The following GALNTL5 variants were observed in gnomAD, a reference collection of about 807,000 sequenced individuals.
GALNTL5 encodes the protein inactive polypeptide N-acetylgalactosaminyltransferase-like protein 5.
In GALNTL5, 44 loss-of-function variants were observed where a neutral mutation model predicts 51.0. The ratio of observed to expected loss-of-function variants is 0.86; its 90% CI spans 0.68 to 1.11. The LOEUF is 1.11. Among genes scored for constraint, GALNTL5 ranks in the 50% least tolerant of loss-of-function variants. The probability of loss-of-function intolerance (pLI) is 0.00; values close to 1 mark genes in which losing one functional copy is unlikely to be tolerated. For synonymous variants in GALNTL5, 192 were observed against 182.8 expected, an observed-to-expected ratio of 1.05 and a Z score of -0.41; for missense variants, 528 against 531.8, an observed-to-expected ratio of 0.99 and a Z score of 0.07.
chr7:151,989,416 G>C (rs2081400330), intron 5 of GALNTL5, among the ~76,000 whole-genome samples: 1 of 152,176 alleles, frequency 6.6e-6, no homozygotes, highest in South Asian at 2.1e-4. Context: ...GCCTCCCAAA[G>C]TGTTGAGATT....
intron 2 of GALNTL5, among the ~76,000 whole-genome samples, 182 bp downstream of exon 2, chr7:151,967,675 C>T (rs1159526130): frequency 6.6e-6 from 1 of 151,830 alleles, no homozygotes; most frequent in African/African-American, 2.4e-5. Context: ...ATGTATTTAC[C>T]ACTTAAATTT....
At chr7:151,989,634 T>G (rs1202656038) in intron 5 of GALNTL5, among the ~76,000 whole-genome samples, 1 of 152,238 alleles carries the variant, frequency 6.6e-6, no homozygotes, top group Non-Finnish European at 1.5e-5. Flanking sequence ...AAGGGAATTT[T>G]TATTTTAAAT....
intron 5 of GALNTL5, among the ~76,000 whole-genome samples, chr7:151,988,402 G>C (rs1298266400): frequency 6.6e-6 from 1 of 152,190 alleles, no homozygotes; most frequent in Non-Finnish European, 1.5e-5. Context: ...CGAATCATTT[G>C]TAAGGGCATT....
intron 5 of GALNTL5, among the ~76,000 whole-genome samples, chr7:151,987,618 G>T (rs1177507608): frequency 2.0e-5 from 3 of 151,020 alleles, no homozygotes; most frequent in Admixed American, 6.6e-5. Context: ...CAAGACTGGG[G>T]GTGGGGTGGG....
At chr7:151,994,892 G>A (rs560302203) in intron 5 of GALNTL5, 2 of 151,944 alleles carry the variant, frequency 1.3e-5, no homozygotes, top group African/African-American at 4.9e-5. Context: ...GAGCAGCTGG[G>A]ACTACAGGTG....
intron 1 of GALNTL5, among the ~76,000 whole-genome samples, chr7:151,966,834 T>C: frequency 6.6e-6 from 1 of 152,206 alleles, no homozygotes; most frequent in East Asian, 1.9e-4. Context: ...TGTTTTTACA[T>C]TTTTAACAAG....
Position 152,014,832 on chromosome 7 carries a change from G to C in GALNTL5, c.1176+39G>C, listed in dbSNP as rs184697880. 5.1e-6 allele frequency: 8 copies of C among 1,566,800 alleles called. No homozygotes were observed. In the East Asian group the frequency reaches 1.4e-4, roughly 27 times the overall value. ...CCTTGACTTGGAAAATGTATGCGAGGCCGGAGCAGGACTTGTTCTGAGGAA... is the reference window on the plus strand; with the variant it reads ...CCTTGACTTGGAAAATGTATGCGAGCCCGGAGCAGGACTTGTTCTGAGGAA... On this transcript the variant is annotated intron_variant, in intron 8 of 8. Transcript: ENST00000392800.
chr7:152,019,738 G>C lies in GALNTL5; in HGVS notation c.1269G>C (p.Lys423Asn). 1 of 1,614,048 alleles carries C rather than the reference G, an allele frequency of 6.2e-7. No individual in the cohort carries two copies. The highest frequency in any genetic ancestry group is 8.5e-7 in the Non-Finnish European group (1 of 1,179,914). ...AGTTAAGGAAACGACTGGGTTGCAA[G>C]TCATTTCAGTGGTATTTGGATAATG... ...RVELRKRLGC[K>N]SFQWYLDNVF... The change falls in exon 9 of 9, where the codon AAG (lysine) becomes AAC (asparagine). Residue 423 changes from lysine (K) to asparagine (N), a missense_variant. By Grantham distance (94) the Lys-to-Asn change is moderately conservative. Coordinates refer to ENST00000392800, the MANE Select transcript of GALNTL5 (RefSeq NM_145292.4).
intron 8 of GALNTL5, among the ~76,000 whole-genome samples, chr7:152,017,996 C>T (rs2081841195): frequency 1.3e-5 from 2 of 152,134 alleles, no homozygotes; most frequent in East Asian, 3.8e-4. Flanking sequence ...AGGTGCATGC[C>T]ACCACACCCA....
At chr7:151,969,181 G>C (rs1004203598) in intron 2 of GALNTL5, among the ~76,000 whole-genome samples, 9 of 152,052 alleles carry the variant, frequency 5.9e-5, no homozygotes, top group African/African-American at 1.9e-4. Context: ...TTTTGGTGCT[G>C]TTCAATTCAT....
chr7:152,000,864 T>C (rs1398368879), intron 5 of GALNTL5, among the ~76,000 whole-genome samples: 2 of 152,038 alleles, frequency 1.3e-5, no homozygotes, highest in Non-Finnish European at 2.9e-5. Flanking sequence ...TTGTGGATTT[T>C]TTTCTCTTTC....
In GALNTL5 at chr7:151,983,131, G is replaced by A. The variant is rs1426170116; in HGVS notation, c.514G>A (p.Val172Ile). The part of the protein sequence containing the change: ...PHYFLEEIIL[V>I]DDMSKVDDLK... ...CTATTTTCTTGAAGAAATTATTTTG[G>A]TAGATGACATGAGCAAAGTTGGTAA... Residue 172 changes from valine (V) to isoleucine (I), a missense_variant, in exon 4 of 9, where the codon GTA becomes ATA. By Grantham distance (29) the Val-to-Ile change is conservative (BLOSUM62 3). Coordinates refer to ENST00000392800, the MANE Select transcript of GALNTL5 (RefSeq NM_145292.4). The A allele has an allele frequency of 6.2e-7, 1 of 1,613,998 alleles. No homozygotes were observed. Among genetic ancestry groups the A allele is most frequent in the Admixed American group, 1.7e-5 (1 of 60,004 alleles).
rs2081783615 is a variant in GALNTL5, at chr7:152,014,711, A to G, written c.1094A>G (p.Gln365Arg). ...CGAGTAGGACATATCAGTAAGAAAC[A>G]AACTGGAAAACCTTCTACAATCATC... is the stretch of plus-strand genomic sequence containing the variant. ...CSRVGHISKK[Q>R]TGKPSTIISA... Residue 365 changes from glutamine (Q) to arginine (R), a missense_variant, in exon 8 of 9, where the codon CAA (glutamine) becomes CGA (arginine). Gln to Arg is a conservative substitution (Grantham distance 43). Transcript: ENST00000392800. The G allele has an allele frequency of 6.2e-7, 1 of 1,614,110 alleles. No individual in the cohort carries two copies. The highest frequency in any genetic ancestry group is 8.5e-7 in the Non-Finnish European group (1 of 1,179,972).
chr7:151,978,747 A>T (rs1586818807), intron 3 of GALNTL5, among the ~76,000 whole-genome samples: 2 of 152,318 alleles, frequency 1.3e-5, no homozygotes, highest in Admixed American at 1.3e-4. Context: ...TCCTTGGCTT[A>T]TAGATGGCCG....
Position 151,999,610 on chromosome 7 carries a change from T to C in GALNTL5, c.659-3104T>C, listed in dbSNP as rs993792020. Among the ~76,000 whole-genome samples, 9 of 152,358 alleles carry C rather than the reference T, an allele frequency of 5.9e-5. No homozygotes were observed. The East Asian group carries it at 1.5e-3, about 26-fold the overall frequency. ...TTGTGTTTTCCTAATGACATGATGT[T>C]TCGCATCTGTTTGTGTGCTTGCTAG... On this transcript the variant is annotated intron_variant, in intron 5 of 8. Coordinates refer to ENST00000392800, the MANE Select transcript of GALNTL5 (RefSeq NM_145292.4).
chr7:152,018,354 T>C lies in GALNTL5; in HGVS notation c.1177-1292T>C, dbSNP rs181478067. ...CCTGTCTCCTCATATTGGTTATAGC[T>C]GAACTGTTTGTTTGTTTGTTTTAAT... On this transcript the variant is annotated intron_variant, in intron 8 of 8. Transcript: ENST00000392800. Among the ~76,000 whole-genome samples, 106 of 152,348 alleles carry C rather than the reference T, an allele frequency of 7.0e-4. 1 individual carries two copies. Among genetic ancestry groups the C allele is most frequent in the South Asian group, 1.2e-3 (6 of 4,834 alleles).
In GALNTL5 at chr7:151,971,197, C is replaced by A. The variant is rs1345814588; in HGVS notation, c.368+132C>A. ...ATCATACTAGAAATGTTATAGATTC[C>A]TATTTTTAGGACTTGAAGTCAGATA... is the stretch of plus-strand genomic sequence containing the variant. On this transcript the variant is annotated intron_variant, in intron 3 of 8. Transcript: ENST00000392800. 45 of 692,568 alleles carry A rather than the reference C, an allele frequency of 6.5e-5. 1 individual carries two copies. The South Asian group carries it at 8.4e-4, about 13-fold the overall frequency. 42.9% of individuals were successfully genotyped at this position (692,568 alleles called of 1,614,324 possible).
intron 7 of GALNTL5, among the ~76,000 whole-genome samples, chr7:152,008,835 G>A (rs1389141767): frequency 6.6e-6 from 1 of 151,860 alleles, no homozygotes; most frequent in African/African-American, 2.4e-5. Context: ...ATTTTATTCT[G>A]TTTAGTTGAT....
At chr7:151,987,026 C>A in intron 4 of GALNTL5, 133 bp from the exon 5 acceptor site, 1 of 713,486 alleles carries the variant, frequency 1.4e-6, no homozygotes, top group East Asian at 3.8e-5. Flanking sequence ...CACACCTGGC[C>A]CCAAAATTCT....
Sources: gnomAD v4.1 joint callset for allele counts (sites outside exome capture counted in the v4.1 genomes callset) on GRCh38, gnomAD v4.1.1 for gene constraint, MANE v1.5 for transcripts, NCBI Gene and HGNC (gene_info 2026-07-23, HGNC 2026-07-21) for gene names.